The following SLCO5A1 variants were observed in gnomAD, a reference collection of about 807,000 sequenced individuals.
The protein encoded by SLCO5A1 is solute carrier organic anion transporter family member 5A1.
Under a neutral mutation model 65.1 loss-of-function variants are expected in SLCO5A1, and 39 were observed. The ratio of observed to expected loss-of-function variants is 0.60; its 90% confidence interval spans 0.46 to 0.78. The LOEUF (loss-of-function observed/expected upper bound fraction) is 0.78. SLCO5A1 is among the 30% of genes least tolerant of loss of function. The pLI is 0.00. For missense variants in SLCO5A1, 1,029 were observed against 1,069.4 expected, an observed-to-expected ratio of 0.96 and a Z score of 0.53; for synonymous variants, 438 against 415.7, an observed-to-expected ratio of 1.05 and a Z score of -0.65.
Position 69,757,247 on chromosome 8 carries a change from C to T in SLCO5A1, c.1041-1606G>A, listed in dbSNP as rs368521205. On this transcript the variant is annotated intron_variant, in intron 3 of 9. Coordinates refer to ENST00000260126, the MANE Select transcript of SLCO5A1 (RefSeq NM_030958.3). ...TTTATTTTGAGAAGTTTGTTCGGGG[C>T]AGACTTCCAGCAATCTCAGTTATTC... Among the ~76,000 whole-genome samples, 17 of 152,218 alleles carry T rather than the reference C, an allele frequency of 1.1e-4. 1 individual carries two copies. Among genetic ancestry groups the T allele is most frequent in the African/African-American group, 2.6e-4 (11 of 41,534 alleles).
At chr8:69,720,471 G>C (rs768516266) in intron 5 of SLCO5A1, among the ~76,000 whole-genome samples, 1 of 152,242 alleles carries the variant, frequency 6.6e-6, no homozygotes, top group Non-Finnish European at 1.5e-5. Flanking sequence ...GCCAAATAAA[G>C]TGTTAATATT....
chr8:69,676,541 A>T, intron 9 of SLCO5A1, 68 bp downstream of exon 9: 1 of 1,359,630 alleles, frequency 7.4e-7, no homozygotes, highest in Non-Finnish European at 1.0e-6. Flanking sequence ...GCCATTTTTA[A>T]AGGACAGTGA....
At position 69,832,012 on chromosome 8, in the gene SLCO5A1, G is replaced by C. The variant is rs762870502; in HGVS notation, c.662C>G (p.Pro221Arg). 2.0e-5 allele frequency: 32 copies of C among 1,601,898 alleles called. No homozygotes were observed. Among genetic ancestry groups the C allele is most frequent in the Non-Finnish European group, 2.5e-5 (29 of 1,174,328 alleles). ...LFALPHFISP[P>R]YQIQELNASA... ...GGCGTTCAACTCTTGGATCTGGTAG[G>C]GGGGCGAGATGAAGTGAGGTAAGGC... The change falls in exon 2 of 10, where the codon CCC becomes CGC. Residue 221 changes from proline to arginine, a missense_variant. Pro to Arg is a moderately radical substitution (Grantham distance 103, BLOSUM62 -2). This residue lies in a region of SLCO5A1 where 647 missense variants were observed against 647.5 expected (regional missense o/e 1.00). Coordinates refer to ENST00000260126, the MANE Select transcript of SLCO5A1 (RefSeq NM_030958.3). The surrounding 1 kb of genome is among the most constrained non-coding windows in gnomAD (Gnocchi z 4.5).
At chr8:69,814,516 T>A (rs564031979) in intron 2 of SLCO5A1, among the ~76,000 whole-genome samples, 21 of 152,132 alleles carry the variant, frequency 1.4e-4, no homozygotes, top group African/African-American at 4.8e-4. Context: ...CAAGTTTTGA[T>A]GAGGATGTGG....
chr8:69,834,803 G>T (rs115249134), intron 1 of SLCO5A1, 51 bp downstream of exon 1: 2,318 of 151,438 alleles, frequency 0.015, 66 homozygotes, highest in African/African-American at 0.054. Context: ...AGACAAGACC[G>T]CCGGCGACAG....
At chr8:69,691,305 A>G (rs1814250062) in intron 6 of SLCO5A1, among the ~76,000 whole-genome samples, 1 of 152,222 alleles carries the variant, frequency 6.6e-6, no homozygotes. Context: ...AAAACTCATC[A>G]GATTTTTAAG....
At position 69,761,214 on chromosome 8, in the gene SLCO5A1, T is replaced by C. The variant is rs1817757744; in HGVS notation, c.1040+529A>G. Among the ~76,000 whole-genome samples, 9 of 152,196 alleles carry C rather than the reference T, an allele frequency of 5.9e-5. 1 individual carries two copies. Among genetic ancestry groups the C allele is most frequent in the Admixed American group, 5.9e-4 (9 of 15,288 alleles). ...GTATAAGCTCTCTGCTATAAGAAGTTACCACACACTTCGTGGCTTCAGGCA... is the reference window on the plus strand; with the variant it reads ...GTATAAGCTCTCTGCTATAAGAAGTCACCACACACTTCGTGGCTTCAGGCA... On this transcript the variant is annotated intron_variant, in intron 3 of 9. Coordinates refer to ENST00000260126, the MANE Select transcript of SLCO5A1 (RefSeq NM_030958.3).
chr8:69,799,637 G>A (rs1819652250), intron 2 of SLCO5A1, among the ~76,000 whole-genome samples: 1 of 152,166 alleles, frequency 6.6e-6, no homozygotes, highest in Non-Finnish European at 1.5e-5. Flanking sequence ...AACATGGCAG[G>A]GGAGGTCTCA....
intron 6 of SLCO5A1, 148 bp downstream of exon 6, chr8:69,704,883 G>C: frequency 1.4e-6 from 1 of 726,136 alleles, no homozygotes; most frequent in Non-Finnish European, 2.3e-6. Flanking sequence ...AGGAGTGCAT[G>C]CTCCACTTGG....
chr8:69,773,584 TTC>T (rs1818434290), intron 2 of SLCO5A1, among the ~76,000 whole-genome samples: 1 of 152,218 alleles, frequency 6.6e-6, no homozygotes, highest in African/African-American at 2.4e-5. Context: ...TTCTCATTCA[TTC>T]TCTCTGTTTT....
chr8:69,683,841 C>T (rs1466479988), intron 6 of SLCO5A1, among the ~76,000 whole-genome samples: 3 of 152,136 alleles, frequency 2.0e-5, no homozygotes, highest in African/African-American at 4.8e-5. Context: ...GGATTACAAG[C>T]GTGAGCAACC....
At chr8:69,685,457 TCTGGCAAGACATAAAATGC>T (rs1217469671) in intron 6 of SLCO5A1, among the ~76,000 whole-genome samples, 8 of 152,196 alleles carry the variant, frequency 5.3e-5, no homozygotes, top group Non-Finnish European at 4.4e-5. Flanking sequence ...AAAAAGCATT[TCTGGCAAGACATAAAATGC>T]ACAAGGGCTT....
chr8:69,706,144 T>C (rs1467058373), intron 5 of SLCO5A1, among the ~76,000 whole-genome samples: 1 of 152,220 alleles, frequency 6.6e-6, no homozygotes, highest in Non-Finnish European at 1.5e-5. Context: ...TGAAGAATTA[T>C]ACAAAGACAA....
intron 2 of SLCO5A1, among the ~76,000 whole-genome samples, chr8:69,783,715 T>G (rs1818901359): frequency 1.3e-5 from 2 of 152,112 alleles, no homozygotes; most frequent in African/African-American, 4.8e-5. Flanking sequence ...TTTGGTGAAG[T>G]TATACTTTTA....
intron 6 of SLCO5A1, among the ~76,000 whole-genome samples, 176 bp from the exon 7 acceptor site, chr8:69,682,519 TAAAG>T (rs999979767): frequency 5.9e-5 from 9 of 152,174 alleles, no homozygotes; most frequent in African/African-American, 2.2e-4. Flanking sequence ...AAACAAAACA[TAAAG>T]AAAAATGTTT....
intron 8 of SLCO5A1, among the ~76,000 whole-genome samples, chr8:69,678,196 T>G (rs1421253569): frequency 1.3e-5 from 2 of 152,132 alleles, no homozygotes; most frequent in Non-Finnish European, 2.9e-5. Context: ...AAGTCTTTCC[T>G]GGGCCTTAAA....
At chr8:69,829,750 A>T (rs1190129255) in intron 2 of SLCO5A1, among the ~76,000 whole-genome samples, 1 of 152,230 alleles carries the variant, frequency 6.6e-6, no homozygotes, top group Non-Finnish European at 1.5e-5. Context: ...ATTTAATGAT[A>T]TTAGGGAATG....
At chr8:69,753,296 T>A (rs974268918) in intron 4 of SLCO5A1, among the ~76,000 whole-genome samples, 2 of 152,118 alleles carry the variant, frequency 1.3e-5, no homozygotes, top group African/African-American at 4.8e-5. Context: ...GTTCATCCAG[T>A]CATCTGGTTA....
chr8:69,701,197 A>G (rs112066284), intron 6 of SLCO5A1, among the ~76,000 whole-genome samples: 88 of 152,320 alleles, frequency 5.8e-4, no homozygotes, highest in African/African-American at 2.1e-3. Flanking sequence ...TGCAGATTCA[A>G]AGAAAGCAAA....
Sources: gnomAD v4.1 joint callset for allele counts (sites outside exome capture counted in the v4.1 genomes callset) on GRCh38, gnomAD v4.1.1 for gene constraint, gnomAD v4.1.1 regional missense constraint, Gnocchi (gnomAD v3.1) non-coding constraint, MANE v1.5 for transcripts, NCBI Gene and HGNC (gene_info 2026-07-23, HGNC 2026-07-21) for gene names.